Variants in RNF10 observed in about 807,000 individuals in gnomAD.
The protein encoded by RNF10 is ring finger protein 10.
RNF10 carries 38 observed loss-of-function variants against 91.4 expected under a neutral mutation model. The ratio of observed to expected loss-of-function variants is 0.42; its 90% CI spans 0.32 to 0.54. RNF10 has a LOEUF of 0.54. Among genes scored for constraint, RNF10 ranks in the 20% least tolerant of loss-of-function variants. The probability of loss-of-function intolerance (pLI) is 0.16; values close to 1 mark genes in which losing one functional copy is unlikely to be tolerated. For missense variants in RNF10, 945 were observed against 1,012.0 expected (o/e 0.93, Z 0.90); for synonymous variants, 364 against 366.3 (o/e 0.99, Z 0.07).
At chr12:120,556,039 T>C (rs1565956613) in intron 4 of RNF10, among the ~76,000 whole-genome samples, 1 of 151,950 alleles carries the variant, frequency 6.6e-6, no homozygotes, top group Non-Finnish European at 1.5e-5. Flanking sequence ...TCAACCTGTC[T>C]CGGCCTCCCA....
Position 120,534,356 on chromosome 12 carries a change from G to T in RNF10, c.-456G>T, listed in dbSNP as rs1017716503. ...ACAGTCCATCCGGGTTCTTTGAGAT[G>T]CTGTTTGGCGACTCGTCGCCATTCC... On this transcript the variant is annotated 5_prime_UTR_variant, in exon 1 of 17. Transcript: ENST00000325954. 8 of 166,510 alleles carry T rather than the reference G, an allele frequency of 4.8e-5. No homozygotes were observed. The South Asian group carries it at 7.7e-4, about 16-fold the overall frequency. The allele number at this position is 166,510 out of a possible 1,614,324, so 10.3% of individuals were successfully genotyped here.
At chr12:120,564,843 C>A (rs895846603) in intron 10 of RNF10, among the ~76,000 whole-genome samples, 1 of 152,188 alleles carries the variant, frequency 6.6e-6, no homozygotes, top group African/African-American at 2.4e-5. Context: ...GGACTCAGTT[C>A]ACTCCTTTGC....
intron 4 of RNF10, among the ~76,000 whole-genome samples, chr12:120,555,750 C>T (rs1873891583): frequency 6.6e-6 from 1 of 151,966 alleles, no homozygotes; most frequent in South Asian, 2.1e-4. Flanking sequence ...CCCGACTTGG[C>T]CTCCCAAAGT....
chr12:120,561,738 G>A (rs1874861111), intron 7 of RNF10, among the ~76,000 whole-genome samples: 1 of 152,182 alleles, frequency 6.6e-6, no homozygotes, highest in Admixed American at 6.5e-5. Context: ...TGACTCCCAA[G>A]GGCTCCTTGG....
Position 120,571,217 on chromosome 12 carries a change from A to G in RNF10, c.2068A>G (p.Thr690Ala), listed in dbSNP as rs1428467117. Residue 690 changes from threonine to alanine, a missense_variant, in exon 14 of 17, where the codon ACT becomes GCT. By Grantham distance (58) the Thr-to-Ala change is moderately conservative. Coordinates refer to ENST00000325954, the MANE Select transcript of RNF10 (RefSeq NM_014868.5). ...ADFLLTPLSP[T>A]ASQGSPSFCV... ...CTTTCTGCTGACCCCTCTGTCACCC[A>G]CTGCCAGTCAGGGCAGTCCCTCATT... 4.3e-6 allele frequency: 7 copies of G among 1,613,942 alleles called. No homozygotes were observed. The highest frequency in any genetic ancestry group is 1.3e-5 in the African/African-American group (1 of 75,014).
intron 4 of RNF10, among the ~76,000 whole-genome samples, chr12:120,555,654 AT>A (rs533531429): frequency 6.7e-6 from 1 of 149,474 alleles, no homozygotes; most frequent in African/African-American, 2.5e-5. Flanking sequence ...CTCCCAGCTA[AT>A]TTTTTTTTGT....
At chr12:120,538,899 A>G (rs1211203657) in intron 1 of RNF10, among the ~76,000 whole-genome samples, 2 of 152,210 alleles carry the variant, frequency 1.3e-5, no homozygotes, top group Admixed American at 1.3e-4. Flanking sequence ...TCTGAGCTGT[A>G]AATGGACCTG....
In RNF10 at chr12:120,566,984, A is replaced by G. The variant is rs757309663; in HGVS notation, c.2041+4A>G. 3 of 1,594,790 alleles carry G rather than the reference A, an allele frequency of 1.9e-6. No homozygotes were observed. Among genetic ancestry groups the G allele is most frequent in the Non-Finnish European group, 2.6e-6 (3 of 1,175,238 alleles). Reference sequence around the variant, plus strand: ...AGAAGTCCAGGTTCCCATGCAGGTAAACAGGTGAAATTTAATGAATTCACC... The same window carrying G: ...AGAAGTCCAGGTTCCCATGCAGGTAGACAGGTGAAATTTAATGAATTCACC... On this transcript the variant is annotated splice_donor_region_variant and intron_variant, in intron 13 of 16. Transcript: ENST00000325954.
chr12:120,576,921 A>G lies in RNF10; in HGVS notation c.*255A>G. On this transcript the variant is annotated 3_prime_UTR_variant, in exon 17 of 17. Coordinates refer to ENST00000325954, the MANE Select transcript of RNF10 (RefSeq NM_014868.5). The stretch of plus-strand genomic sequence containing the variant: ...CTGCCAAGGTTTTTAGTTCATTGCC[A>G]GTTTAGTCTTTTTGACCCATGTGTA... 2.3e-6 allele frequency: 1 copy of G among 439,746 alleles called. No individual in the cohort carries two copies. The highest frequency in any genetic ancestry group is 4.1e-6 in the Non-Finnish European group (1 of 243,856). 27.2% of individuals were successfully genotyped at this position (439,746 alleles called of 1,614,324 possible).
At chr12:120,544,571 G>A (rs1565946748) in intron 1 of RNF10, among the ~76,000 whole-genome samples, 1 of 152,098 alleles carries the variant, frequency 6.6e-6, no homozygotes, top group African/African-American at 2.4e-5. Context: ...GTGGGAGGGT[G>A]GCTTGAGCCT....
intron 3 of RNF10, chr12:120,554,398 G>A: frequency 3.5e-6 from 1 of 284,790 alleles, no homozygotes; most frequent in Non-Finnish European, 6.8e-6. Flanking sequence ...TCTAAGGGGT[G>A]AGAGAGGAAA....
At chr12:120,545,618 A>C (rs1364867426) in intron 1 of RNF10, among the ~76,000 whole-genome samples, 1 of 150,230 alleles carries the variant, frequency 6.7e-6, no homozygotes, top group African/African-American at 2.5e-5. Flanking sequence ...GCTCACTGCA[A>C]CCTCTGCCTC....
intron 1 of RNF10, among the ~76,000 whole-genome samples, chr12:120,537,194 T>C (rs1870950292): frequency 6.6e-6 from 1 of 151,826 alleles, no homozygotes; most frequent in Admixed American, 6.6e-5. Context: ...TAGTCCCAGC[T>C]GTGAAGAGGC....
intron 6 of RNF10, among the ~76,000 whole-genome samples, chr12:120,559,891 A>G (rs560385): frequency 0.98 from 148,509 of 151,822 alleles, 72,697 homozygotes; most frequent in East Asian, 1. Context: ...GAAACAGGGT[A>G]TCTCTATGTT....
chr12:120,542,685 TG>T (rs1349726068), intron 1 of RNF10, among the ~76,000 whole-genome samples: 2 of 152,120 alleles, frequency 1.3e-5, no homozygotes, highest in African/African-American at 4.8e-5. Context: ...CCCAAGTAGC[TG>T]GGATTACAGG....
intron 3 of RNF10, 128 bp from the exon 4 acceptor site, chr12:120,554,590 C>T (rs1017327392): frequency 4.2e-6 from 3 of 709,824 alleles, no homozygotes; most frequent in East Asian, 2.6e-5. Flanking sequence ...GGTCCTAGTG[C>T]AGTGCCTCAT....
At chr12:120,575,502 A>T (rs1877265214) in intron 14 of RNF10, 129 bp from the exon 15 acceptor site, 1 of 951,560 alleles carries the variant, frequency 1.1e-6, no homozygotes, top group African/African-American at 1.6e-5. Context: ...TTAAGGAGAG[A>T]AGTACCTGGA....
intron 2 of RNF10, among the ~76,000 whole-genome samples, chr12:120,548,413 G>A (rs1039912417): frequency 6.6e-6 from 1 of 152,108 alleles, no homozygotes; most frequent in African/African-American, 2.4e-5. Flanking sequence ...CAGTCAGGGC[G>A]GGAGGAAAAT....
Position 120,566,835 on chromosome 12 carries a change from C to G in RNF10, c.1896C>G (p.Val632=), listed in dbSNP as rs774081050. The change falls in exon 13 of 17, where the codon GTC becomes GTG. Residue 632 remains valine, a synonymous_variant. Coordinates refer to ENST00000325954, the MANE Select transcript of RNF10 (RefSeq NM_014868.5). ...ENKKQGKYPE[V]HIPLENLQQF... Reference sequence around the variant, plus strand: ...ATCTTTCCTTTGCAGACCCAGAAGTCCACATTCCCCTCGAGAATCTACAGC... The same window carrying G: ...ATCTTTCCTTTGCAGACCCAGAAGTGCACATTCCCCTCGAGAATCTACAGC... The G allele has an allele frequency of 2.5e-6, 4 of 1,613,290 alleles. No individual in the cohort carries two copies. The South Asian group carries it at 3.3e-5, about 13-fold the overall frequency.
Sources: gnomAD v4.1 joint callset for allele counts (sites outside exome capture counted in the v4.1 genomes callset) on GRCh38, gnomAD v4.1.1 for gene constraint, MANE v1.5 for transcripts, NCBI Gene and HGNC (gene_info 2026-07-23, HGNC 2026-07-21) for gene names.